NDUFA9: variants seen among roughly 807,000 people sequenced by gnomAD.
The protein encoded by NDUFA9 is NADH dehydrogenase [ubiquinone] 1 alpha subcomplex subunit 9, mitochondrial.
NDUFA9 carries 23 observed loss-of-function variants against 45.9 expected under a neutral mutation model. The ratio of observed to expected loss-of-function variants is 0.50; its 90% confidence interval spans 0.36 to 0.71. The LOEUF is 0.71. NDUFA9 is among the 30% of genes least tolerant of loss of function. The pLI, the probability that NDUFA9 is intolerant of heterozygous loss-of-function variation, is 0.00. For missense variants in NDUFA9, 466 were observed against 488.2 expected (o/e 0.95, Z 0.43); for synonymous variants, 176 against 170.5 (o/e 1.03, Z -0.25).
intron 8 of NDUFA9, among the ~76,000 whole-genome samples, chr12:4,677,916 A>G (rs1945929841): frequency 6.6e-6 from 1 of 152,224 alleles, no homozygotes; most frequent in Non-Finnish European, 1.5e-5. Context: ...AGACTGGATT[A>G]AGAAAATGTG....
intron 8 of NDUFA9, among the ~76,000 whole-genome samples, chr12:4,672,740 A>G (rs1002663269): frequency 2.0e-5 from 3 of 152,234 alleles, no homozygotes; most frequent in Non-Finnish European, 2.9e-5. Context: ...TCAGGGACTT[A>G]TAGATAAAAC....
At chr12:4,665,760 T>TTA (rs1217749232) in intron 6 of NDUFA9, among the ~76,000 whole-genome samples, 10 of 151,742 alleles carry the variant, frequency 6.6e-5, no homozygotes, top group Non-Finnish European at 1.3e-4. Flanking sequence ...TTTTTTTTTT[T>TTA]TATAATAGCC....
rs1300330736 is a variant in NDUFA9, at chr12:4,662,587, C to T, written c.607C>T (p.Pro203Ser). ...DAFPEAIIVK[P>S]SDIFGREDRF... ...ATTTCCGGAAGCCATTATCGTAAAG[C>T]CGTCGGACATCTTTGGAAGAGAGGA... is the stretch of plus-strand genomic sequence containing the variant. Residue 203 changes from proline to serine, a missense_variant, in exon 6 of 11, where the codon CCG (proline) becomes TCG (serine). Transcript: ENST00000266544. 1.2e-6 allele frequency: 2 copies of T among 1,613,892 alleles called. No homozygotes were observed. The highest frequency in any genetic ancestry group is 1.7e-6 in the Non-Finnish European group (2 of 1,179,874).
chr12:4,650,416 CTATT>C, intron 1 of NDUFA9, among the ~76,000 whole-genome samples: 1 of 152,274 alleles, frequency 6.6e-6, no homozygotes, highest in Admixed American at 6.5e-5. Context: ...ATGGTAATCA[CTATT>C]TATTGAGTAC....
In NDUFA9 at chr12:4,649,138, C is replaced by G. The variant is rs777895420; in HGVS notation, c.12C>G (p.Ala4=). The G allele has an allele frequency of 1.2e-6, 2 of 1,604,402 alleles. No individual in the cohort carries two copies. Among genetic ancestry groups the G allele is most frequent in the Non-Finnish European group, 1.7e-6 (2 of 1,175,816 alleles). The change falls in exon 1 of 11, where the codon GCC becomes GCG. Residue 4 remains alanine (A), a synonymous_variant. Transcript: ENST00000266544. MAA[A]AQSRVVRVLS... is the part of the protein sequence containing the mutation. ...GATTGTGGGAAAAGATGGCGGCTGCCGCACAATCCCGGGTTGTCCGGGTCC... is the reference window on the plus strand; with the variant it reads ...GATTGTGGGAAAAGATGGCGGCTGCGGCACAATCCCGGGTTGTCCGGGTCC...
chr12:4,693,966 A>G lies in NDUFA9; in HGVS notation c.*6858A>G, dbSNP rs2137495703. The G allele has an allele frequency of 6.6e-6, 1 of 152,362 alleles. No homozygotes were observed. The highest frequency in any genetic ancestry group is 2.4e-5 in the African/African-American group (1 of 41,582). 9.4% of individuals were successfully genotyped at this position (152,362 alleles called of 1,614,324 possible). A position where few individuals can be genotyped will look rare whatever the true frequency, so the allele number is the denominator to read the frequency against. On this transcript the variant is annotated 3_prime_UTR_variant, in exon 11 of 11. Coordinates refer to ENST00000266544, the MANE Select transcript of NDUFA9 (RefSeq NM_005002.5). The stretch of plus-strand genomic sequence containing the variant: ...CTTTTCTGGGGCTAGACAGTCCATA[A>G]ATAGGACTTGGAAATGGAAGTGTAG...
intron 6 of NDUFA9, among the ~76,000 whole-genome samples, chr12:4,663,716 A>G (rs961948472): frequency 2.0e-5 from 3 of 152,236 alleles, no homozygotes; most frequent in Non-Finnish European, 2.9e-5. Context: ...GTATTTTGTT[A>G]TGGTAGCCTG....
rs150788651 is a variant in NDUFA9 at position 4,682,235 on chromosome 12, G to A, written c.831G>A (p.Val277=). Reference sequence around the variant, plus strand: ...GTCGGTACCTCCTTTTCCACCTGGTGAAGTACATCTTTGCTGTGGCTCACA... The same window carrying A: ...GTCGGTACCTCCTTTTCCACCTGGTAAAGTACATCTTTGCTGTGGCTCACA... ...GPSRYLLFHL[V]KYIFAVAHRL... is the part of the protein sequence containing the mutation. Residue 277 remains valine, a synonymous_variant, in exon 9 of 11, where the codon GTG becomes GTA. Coordinates refer to ENST00000266544, the MANE Select transcript of NDUFA9 (RefSeq NM_005002.5). The A allele has an allele frequency of 1.9e-6, 3 of 1,613,312 alleles. No individual in the cohort carries two copies. Among genetic ancestry groups the A allele is most frequent in the Admixed American group, 1.7e-5 (1 of 59,978 alleles).
intron 9 of NDUFA9, 78 bp from the exon 10 acceptor site, chr12:4,685,181 C>T: frequency 7.8e-7 from 1 of 1,280,006 alleles, no homozygotes; most frequent in South Asian, 1.2e-5. Flanking sequence ...GTCTGTCTTC[C>T]TGCAGTTCTC....
At chr12:4,654,190 C>T in intron 1 of NDUFA9, 102 bp from the exon 2 acceptor site, 4 of 1,174,922 alleles carry the variant, frequency 3.4e-6, no homozygotes, top group Non-Finnish European at 4.8e-6. Flanking sequence ...GTACTGATTG[C>T]AAAATAATGT....
In NDUFA9 at chr12:4,661,175, A is replaced by G. The variant is rs543069525; in HGVS notation, c.553-1358A>G. ...GGCACTGTTCCTCCCATCAGGTAAG[A>G]GAGGAGGAGAAAATTGTGCTTTATA... On this transcript the variant is annotated intron_variant, in intron 5 of 10. Coordinates refer to ENST00000266544, the MANE Select transcript of NDUFA9 (RefSeq NM_005002.5). 5.3e-5 allele frequency among the ~76,000 whole-genome samples: 8 copies of G among 152,280 alleles called. No individual in the cohort carries two copies. The South Asian group carries it at 1.7e-3, about 32-fold the overall frequency.
chr12:4,660,692 T>G (rs74475753), intron 5 of NDUFA9, among the ~76,000 whole-genome samples: 3,943 of 152,202 alleles, frequency 0.026, 147 homozygotes, highest in African/African-American at 0.089. Context: ...GAGAGTACAG[T>G]GCTAGGGAAG....
At chr12:4,664,884 A>AGTTG (rs1945844192) in intron 6 of NDUFA9, among the ~76,000 whole-genome samples, 1 of 152,222 alleles carries the variant, frequency 6.6e-6, no homozygotes, top group African/African-American at 2.4e-5. Context: ...TTTTGGACTT[A>AGTTG]CTTGGGAGTT....
intron 10 of NDUFA9, among the ~76,000 whole-genome samples, chr12:4,686,035 C>T (rs1415553927): frequency 1.3e-5 from 2 of 152,240 alleles, no homozygotes; most frequent in Non-Finnish European, 2.9e-5. Flanking sequence ...GGGCAACTCA[C>T]ATACTTTCTT....
chr12:4,663,160 C>T lies in NDUFA9; in HGVS notation c.655+525C>T, dbSNP rs143716779. Among the ~76,000 whole-genome samples, 247 of 152,178 alleles carry T rather than the reference C, an allele frequency of 1.6e-3. 3 individuals are homozygous for T. Among genetic ancestry groups the T allele is most frequent in the South Asian group, 4.2e-4 (2 of 4,808 alleles). ...TTCATTTCTTTTCATAGCTTGATAGCTCATTTCTTTATATAGCTAAATAGT... is the reference window on the plus strand; with the variant it reads ...TTCATTTCTTTTCATAGCTTGATAGTTCATTTCTTTATATAGCTAAATAGT... On this transcript the variant is annotated intron_variant, in intron 6 of 10. Transcript: ENST00000266544.
intron 6 of NDUFA9, 75 bp from the exon 7 acceptor site, chr12:4,668,382 T>C (rs1251892821): frequency 5.1e-6 from 6 of 1,180,194 alleles, no homozygotes; most frequent in East Asian, 4.7e-5. Flanking sequence ...ACAATAATTA[T>C]GTTAATCTTA....
At chr12:4,684,365 T>G (rs1299594803) in intron 9 of NDUFA9, among the ~76,000 whole-genome samples, 2 of 152,196 alleles carry the variant, frequency 1.3e-5, no homozygotes, top group African/African-American at 2.4e-5. Context: ...ATAAAAGAGC[T>G]GGTCTGGTTG....
rs1013500776 is a variant in NDUFA9, at chr12:4,693,808, G to A, written c.*6700G>A. ...AGCGGGGAACTGGGTGGAAGCAGTA[G>A]TAAGAAATTTGAATTAAGGAATCGT... On this transcript the variant is annotated 3_prime_UTR_variant, in exon 11 of 11. Transcript: ENST00000266544. 1.3e-5 allele frequency: 2 copies of A among 152,198 alleles called. No individual in the cohort carries two copies. The highest frequency in any genetic ancestry group is 4.8e-5 in the African/African-American group (2 of 41,442). 9.4% of individuals were successfully genotyped at this position (152,198 alleles called of 1,614,324 possible).
chr12:4,652,755 A>G (rs1312217402), intron 1 of NDUFA9, among the ~76,000 whole-genome samples: 2 of 152,250 alleles, frequency 1.3e-5, no homozygotes, highest in Non-Finnish European at 2.9e-5. Flanking sequence ...CAGCACTTAG[A>G]ATAATGCTGG....
Sources: allele counts gnomAD v4.1 joint callset (sites outside exome capture counted in the v4.1 genomes callset), GRCh38; gene constraint gnomAD v4.1.1; transcripts MANE v1.5; gene names NCBI Gene and HGNC (gene_info 2026-07-23, HGNC 2026-07-21).